The following PRDM6 variants were observed in gnomAD, a reference collection of about 807,000 sequenced individuals.
The protein encoded by PRDM6 is PR/SET domain 6, also known as putative histone-lysine N-methyltransferase PRDM6.
PRDM6 carries 25 observed loss-of-function variants against 60.8 expected under a neutral mutation model. The ratio of observed to expected loss-of-function variants is 0.41; its 90% CI spans 0.30 to 0.57. The LOEUF is 0.57. Among genes scored for constraint, PRDM6 ranks in the 20% least tolerant of loss-of-function variants. The pLI, the probability that PRDM6 is intolerant of heterozygous loss-of-function variation, is 0.27. For missense variants in PRDM6, 839 were observed against 821.3 expected (o/e 1.02, Z -0.26); for synonymous variants, 407 against 357.4 (o/e 1.14, Z -1.57).
chr5:123,188,116 C>T lies in PRDM6; in HGVS notation c.*915C>T, dbSNP rs1206949613. 1 of 151,968 alleles carries T rather than the reference C, an allele frequency of 6.6e-6. No individual in the cohort carries two copies. The highest frequency in any genetic ancestry group is 2.1e-4 in the South Asian group (1 of 4,818). The allele number at this position is 151,968 out of a possible 1,614,324, so 9.4% of individuals were successfully genotyped here. On this transcript the variant is annotated 3_prime_UTR_variant, in exon 8 of 8. Transcript: ENST00000407847. Reference sequence around the variant, plus strand: ...TCTGTGAAAGTGTTGAACATGTGAACAAAAATAGTGCCAAACCCCATCGTC... The same window carrying T: ...TCTGTGAAAGTGTTGAACATGTGAATAAAAATAGTGCCAAACCCCATCGTC...
chr5:123,145,606 G>A (rs996246903), intron 3 of PRDM6, among the ~76,000 whole-genome samples: 1 of 152,182 alleles, frequency 6.6e-6, no homozygotes, highest in Non-Finnish European at 1.5e-5. Context: ...CTGAGTCTGA[G>A]GGGTGGCTTC....
intron 5 of PRDM6, among the ~76,000 whole-genome samples, chr5:123,166,557 T>C (rs934638804): frequency 9.2e-5 from 14 of 152,372 alleles, no homozygotes; most frequent in Non-Finnish European, 1.5e-4. Context: ...TTGATGAAAC[T>C]GAGTAAATAT....
At position 123,090,247 on chromosome 5, in the gene PRDM6, CCG is replaced by C; in HGVS notation, c.235_236del (p.Ala79LeufsTer224). The C allele has an allele frequency of 6.7e-7, 1 of 1,486,800 alleles. No individual in the cohort carries two copies. Among genetic ancestry groups the C allele is most frequent in the South Asian group, 1.3e-5 (1 of 78,312 alleles). 92.1% of individuals were successfully genotyped at this position (1,486,800 alleles called of 1,614,324 possible). On this transcript the variant is annotated frameshift_variant, in exon 2 of 8. Transcript: ENST00000407847. LOFTEE classifies it high-confidence loss of function. ...CGCCCGCGGCCCGCCTCTCTCTCCT[CCG>C]CCTCGTCCACGCCGGCTTCCTCTTC...
intron 5 of PRDM6, among the ~76,000 whole-genome samples, chr5:123,169,198 T>C (rs561843538): frequency 6.6e-6 from 1 of 152,340 alleles, no homozygotes; most frequent in South Asian, 2.1e-4. Flanking sequence ...AAATGATCCA[T>C]AGATATAGTA....
At chr5:123,111,965 C>A (rs940763832) in intron 3 of PRDM6, among the ~76,000 whole-genome samples, 6 of 152,178 alleles carry the variant, frequency 3.9e-5, no homozygotes, top group African/African-American at 1.4e-4. Flanking sequence ...TCTCCCACCT[C>A]CCCAGATATA....
intron 3 of PRDM6, among the ~76,000 whole-genome samples, chr5:123,101,607 T>C (rs78103578): frequency 0.033 from 5,065 of 152,296 alleles, 134 homozygotes; most frequent in Non-Finnish European, 0.048. Flanking sequence ...TAGTACAAAT[T>C]TACTCTACCT....
At chr5:123,094,459 G>T (rs368502380) in intron 2 of PRDM6, among the ~76,000 whole-genome samples, 4 of 112,624 alleles carry the variant, frequency 3.6e-5, no homozygotes, top group Admixed American at 1.8e-4. Context: ...TCTCTCTCTC[G>T]CGTGTGTGCA....
At chr5:123,109,765 G>C (rs1764266834) in intron 3 of PRDM6, among the ~76,000 whole-genome samples, 1 of 152,134 alleles carries the variant, frequency 6.6e-6, no homozygotes, top group Admixed American at 6.6e-5. Context: ...TAAGCAAAAT[G>C]CTAGCTGAAA....
At position 123,191,452 on chromosome 5, in the gene PRDM6, T is replaced by C. The variant is rs1766430692; in HGVS notation, c.*4251T>C. 1 of 152,176 alleles carries C rather than the reference T, an allele frequency of 6.6e-6. No homozygotes were observed. The highest frequency in any genetic ancestry group is 2.4e-5 in the African/African-American group (1 of 41,450). The allele number at this position is 152,176 out of a possible 1,614,324, so 9.4% of individuals were successfully genotyped here. ...ATGCCTACAGAAACCAGGCCAGGAA[T>C]AAGAAATAAATAATCACATTTCCTG... On this transcript the variant is annotated 3_prime_UTR_variant, in exon 8 of 8. Transcript: ENST00000407847.
chr5:123,157,352 AAATT>A (rs1316191103), intron 4 of PRDM6, among the ~76,000 whole-genome samples: 1 of 152,158 alleles, frequency 6.6e-6, no homozygotes, highest in African/African-American at 2.4e-5. Context: ...CTGAGCTAGA[AAATT>A]AGTGAAGATT....
chr5:123,100,403 A>T (rs1350543207), intron 3 of PRDM6, among the ~76,000 whole-genome samples: 1 of 152,180 alleles, frequency 6.6e-6, no homozygotes, highest in Non-Finnish European at 1.5e-5. Context: ...CTGTGTAGTG[A>T]GCAGAAAGGA....
chr5:123,149,604 A>G (rs557832242), intron 3 of PRDM6, among the ~76,000 whole-genome samples: 2 of 152,318 alleles, frequency 1.3e-5, no homozygotes, highest in East Asian at 3.9e-4. Flanking sequence ...GACAAGCGAC[A>G]CTGCAATGAA....
At chr5:123,109,815 G>A (rs535536299) in intron 3 of PRDM6, among the ~76,000 whole-genome samples, 2 of 152,202 alleles carry the variant, frequency 1.3e-5, no homozygotes, top group East Asian at 1.9e-4. Flanking sequence ...ATGAAAATGC[G>A]AGAATTACTC....
In PRDM6 at chr5:123,159,643, G is replaced by T; in HGVS notation, c.1153+5G>T. The stretch of plus-strand genomic sequence containing the variant: ...GCATTGCCCAGGATGAAAACTGTAA[G>T]AATTTATTTTAGCTCTGAATTCACA... On this transcript the variant is annotated splice_donor_5th_base_variant and intron_variant, in intron 5 of 7. Transcript: ENST00000407847. 1 of 1,550,382 alleles carries T rather than the reference G, an allele frequency of 6.5e-7. No individual in the cohort carries two copies. The highest frequency in any genetic ancestry group is 8.7e-7 in the Non-Finnish European group (1 of 1,146,404).
At chr5:123,094,054 G>A (rs1423590206) in intron 2 of PRDM6, among the ~76,000 whole-genome samples, 2 of 152,054 alleles carry the variant, frequency 1.3e-5, no homozygotes, top group Non-Finnish European at 2.9e-5. Flanking sequence ...GCATGGGTGT[G>A]GGAGCGGGGC....
chr5:123,092,540 A>G (rs1763864690), intron 2 of PRDM6, among the ~76,000 whole-genome samples: 1 of 152,208 alleles, frequency 6.6e-6, no homozygotes, highest in African/African-American at 2.4e-5. Flanking sequence ...ATGGGTATTG[A>G]ACCAGTTTAT....
At chr5:123,155,614 A>G (rs1765475560) in intron 3 of PRDM6, among the ~76,000 whole-genome samples, 1 of 152,132 alleles carries the variant, frequency 6.6e-6, no homozygotes, top group African/African-American at 2.4e-5. Context: ...TAAGTTAAAT[A>G]TTCTTTGGGA....
Position 123,090,477 on chromosome 5 carries a change from G to T in PRDM6, c.463G>T (p.Gly155Cys), listed in dbSNP as rs1290586557. 1 of 1,484,148 alleles carries T rather than the reference G, an allele frequency of 6.7e-7. No individual in the cohort carries two copies. The highest frequency in any genetic ancestry group is 8.9e-7 in the Non-Finnish European group (1 of 1,125,806). 91.9% of individuals were successfully genotyped at this position (1,484,148 alleles called of 1,614,324 possible). Residue 155 changes from glycine (G) to cysteine (C), a missense_variant, in exon 2 of 8, where the codon GGC becomes TGC. Gly to Cys is a radical substitution (Grantham distance 159, BLOSUM62 -3). Transcript: ENST00000407847. ...GCCCGTCAAGTGCGGTGGTGGTGGC[G>T]GCGGCGGCGGGGAGGGTCGCGGCGC... ...PGPVKCGGGG[G>C]GGGEGRGAPR...
chr5:123,140,455 A>G (rs1040020766), intron 3 of PRDM6, among the ~76,000 whole-genome samples: 8 of 152,190 alleles, frequency 5.3e-5, no homozygotes, highest in Non-Finnish European at 8.8e-5. Flanking sequence ...TGATGGTTAC[A>G]TTACATCTTT....
Sources: allele counts gnomAD v4.1 joint callset (sites outside exome capture counted in the v4.1 genomes callset), GRCh38; gene constraint gnomAD v4.1.1; transcripts MANE v1.5; gene names NCBI Gene and HGNC (gene_info 2026-07-23, HGNC 2026-07-21).